The following ANKS1B variants were observed in gnomAD, a reference collection of about 807,000 sequenced individuals.
ANKS1B encodes ankyrin repeat and sterile alpha motif domain-containing protein 1B.
ANKS1B carries 36 observed loss-of-function variants against 148.3 expected under a neutral mutation model. That is an observed-to-expected ratio of 0.24 (90% CI 0.19 to 0.32). The LOEUF is 0.32. Among genes scored for constraint, ANKS1B ranks in the 10% least tolerant of loss-of-function variants. The probability of loss-of-function intolerance (pLI) is 1.00; values close to 1 mark genes in which losing one functional copy is unlikely to be tolerated. For synonymous variants in ANKS1B, 542 were observed against 560.8 expected (o/e 0.97, Z 0.47); for missense variants, 1,157 against 1,542.6 (o/e 0.75, Z 4.19).
At position 99,646,950 on chromosome 12, in the gene ANKS1B, G is replaced by A. The variant is rs1330455449; in HGVS notation, c.1272+8117C>T. 4.0e-5 allele frequency among the ~76,000 whole-genome samples: 6 copies of A among 150,658 alleles called. No homozygotes were observed. The East Asian group carries it at 1.2e-3, about 29-fold the overall frequency. On this transcript the variant is annotated intron_variant, in intron 9 of 26. Coordinates refer to ENST00000683438, the MANE Select transcript of ANKS1B (RefSeq NM_001352186.2). ...CAAAAATTGCATCAACAGTTTGAGG[G>A]TGAGTCAAAACATAAAATTTATCAT...
chr12:99,747,825 A>G (rs953331505), intron 8 of ANKS1B, among the ~76,000 whole-genome samples: 2 of 152,198 alleles, frequency 1.3e-5, no homozygotes, highest in Non-Finnish European at 2.9e-5. Flanking sequence ...ACACATGTGA[A>G]AAATGAACCA....
intron 9 of ANKS1B, among the ~76,000 whole-genome samples, chr12:99,524,229 C>CT (rs919980778): frequency 1.5e-4 from 23 of 152,014 alleles, no homozygotes; most frequent in Admixed American, 6.6e-4. Flanking sequence ...AGAAAAATAA[C>CT]TTTTTTTTAA....
chr12:99,774,614 G>C (rs1010246989), intron 7 of ANKS1B, among the ~76,000 whole-genome samples: 3 of 152,128 alleles, frequency 2.0e-5, no homozygotes, highest in Non-Finnish European at 4.4e-5. Flanking sequence ...ATATGATTCA[G>C]TAATCCCACC....
At chr12:98,771,485 A>T (rs11109597) in intron 25 of ANKS1B, among the ~76,000 whole-genome samples, 4,699 of 151,910 alleles carry the variant, frequency 0.031, 232 homozygotes, top group African/African-American at 0.11. Flanking sequence ...AACTTTTTTT[A>T]AAAATTGAGA....
At chr12:99,718,057 C>T (rs1261138868) in intron 8 of ANKS1B, among the ~76,000 whole-genome samples, 3 of 151,704 alleles carry the variant, frequency 2.0e-5, no homozygotes, top group Non-Finnish European at 4.4e-5. Flanking sequence ...GCGCCCGCTA[C>T]CACGCCCGGC....
chr12:99,481,399 A>G (rs566345244), intron 10 of ANKS1B, among the ~76,000 whole-genome samples: 2 of 151,874 alleles, frequency 1.3e-5, no homozygotes, highest in South Asian at 4.1e-4. Context: ...TGGCATATAT[A>G]TACTACATTT....
intron 9 of ANKS1B, among the ~76,000 whole-genome samples, chr12:99,606,020 A>T (rs866719590): frequency 3.3e-5 from 5 of 152,186 alleles, no homozygotes; most frequent in Middle Eastern, 3.4e-3. Context: ...TTTTGATAAT[A>T]ACCATTCTAA....
chr12:99,959,298 C>T (rs1232246541), intron 1 of ANKS1B, among the ~76,000 whole-genome samples: 4 of 139,790 alleles, frequency 2.9e-5, no homozygotes, highest in Admixed American at 7.7e-5. Context: ...AGGATGGTCT[C>T]GATCTCCTGA....
chr12:99,935,572 A>C (rs1321375871), intron 1 of ANKS1B, among the ~76,000 whole-genome samples: 2 of 152,040 alleles, frequency 1.3e-5, no homozygotes, highest in Non-Finnish European at 2.9e-5. Context: ...CTGCAGTTTT[A>C]AGACAGACAC....
chr12:99,069,954 G>A (rs1321025055), intron 16 of ANKS1B, among the ~76,000 whole-genome samples: 4 of 152,210 alleles, frequency 2.6e-5, no homozygotes, highest in African/African-American at 4.8e-5. Flanking sequence ...CTTACTAGTG[G>A]TGTGACCTCA....
Position 98,751,336 on chromosome 12 carries a change from C to T in ANKS1B, c.3747+19G>A. On this transcript the variant is annotated intron_variant, in intron 26 of 26. Transcript: ENST00000683438. The surrounding 1 kb of genome is among the most constrained non-coding windows in gnomAD (Gnocchi z 4.3). ...TCCTGTTCAAGGTTTTTTAGAACAT[C>T]TGTATCGTTTCTACTTACCACGGAC... The T allele has an allele frequency of 6.2e-7, 1 of 1,612,146 alleles. No individual in the cohort carries two copies. Among genetic ancestry groups the T allele is most frequent in the Non-Finnish European group, 8.5e-7 (1 of 1,179,302 alleles).
intron 12 of ANKS1B, among the ~76,000 whole-genome samples, chr12:99,268,202 T>G (rs1312359447): frequency 6.6e-6 from 1 of 152,218 alleles, no homozygotes; most frequent in Non-Finnish European, 1.5e-5. Flanking sequence ...AACTGGGAGA[T>G]GTATATTTTA....
intron 16 of ANKS1B, among the ~76,000 whole-genome samples, chr12:99,054,229 G>A (rs1192559936): frequency 3.9e-5 from 6 of 152,098 alleles, no homozygotes; most frequent in Non-Finnish European, 2.9e-5. Context: ...ACCTGATGGG[G>A]GCCTTCGGTA....
At chr12:99,330,285 T>C in intron 12 of ANKS1B, among the ~76,000 whole-genome samples, 1 of 151,954 alleles carries the variant, frequency 6.6e-6, no homozygotes, top group South Asian at 2.1e-4. Flanking sequence ...TTCTAAAATA[T>C]GTCTATTATA....
intron 8 of ANKS1B, among the ~76,000 whole-genome samples, chr12:99,719,560 G>A (rs1000381102): frequency 1.3e-5 from 2 of 152,070 alleles, no homozygotes; most frequent in Non-Finnish European, 2.9e-5. Flanking sequence ...TATTATTGAG[G>A]CTACTGCTCT....
At chr12:99,788,907 G>A (rs756138472) in intron 4 of ANKS1B, among the ~76,000 whole-genome samples, 49 of 152,152 alleles carry the variant, frequency 3.2e-4, no homozygotes, top group Admixed American at 5.2e-4. Flanking sequence ...AGAGTAAGAA[G>A]GACTTTGTAA....
At chr12:99,548,367 C>T (rs971998214) in intron 9 of ANKS1B, among the ~76,000 whole-genome samples, 21 of 144,652 alleles carry the variant, frequency 1.5e-4, no homozygotes, top group Admixed American at 1.4e-3. Context: ...GTTTTGCTTT[C>T]TAATCCCCAA....
intron 25 of ANKS1B, among the ~76,000 whole-genome samples, chr12:98,756,665 G>A (rs1262848008): frequency 1.3e-5 from 2 of 151,380 alleles, no homozygotes; most frequent in Non-Finnish European, 2.9e-5. Context: ...GGCAGAGGTT[G>A]CAGTGAACCG....
At chr12:98,827,959 A>G (rs905968905) in intron 19 of ANKS1B, among the ~76,000 whole-genome samples, 5 of 152,194 alleles carry the variant, frequency 3.3e-5, no homozygotes, top group African/African-American at 9.7e-5. Flanking sequence ...GTTTGGGGGG[A>G]AAAAGCTTTC....
Sources: gnomAD v4.1 joint callset for allele counts (sites outside exome capture counted in the v4.1 genomes callset) on GRCh38, gnomAD v4.1.1 for gene constraint, Gnocchi (gnomAD v3.1) non-coding constraint, MANE v1.5 for transcripts, NCBI Gene and HGNC (gene_info 2026-07-23, HGNC 2026-07-21) for gene names.